Variants in PC observed in about 807,000 individuals in gnomAD.
The protein encoded by PC is pyruvate carboxylase, mitochondrial.
PC carries 46 observed loss-of-function variants against 107.8 expected under a neutral mutation model. The observed-to-expected ratio is 0.43, with a 90% confidence interval of 0.34 to 0.55. The LOEUF is 0.55. PC is among the 20% of genes least tolerant of loss of function. PC has a pLI of 0.04. For missense variants in PC, 1,241 were observed against 1,643.1 expected (o/e 0.76, Z 4.23); for synonymous variants, 662 against 684.7 (o/e 0.97, Z 0.52).
chr11:66,928,230 C>T (rs60520320), intron 3 of PC, among the ~76,000 whole-genome samples: 20,083 of 151,628 alleles, frequency 0.13, 1,486 homozygotes, highest in East Asian at 0.23. Flanking sequence ...CCTAAAAATA[C>T]AAAAAAATTA....
intron 3 of PC, among the ~76,000 whole-genome samples, chr11:66,894,044 G>A (rs111319576): frequency 0.039 from 5,846 of 151,704 alleles, 201 homozygotes; most frequent in African/African-American, 0.083. Flanking sequence ...CTTAACTATC[G>A]TAAAAACCTC....
At chr11:66,916,125 GT>G (rs1456123622) in intron 3 of PC, among the ~76,000 whole-genome samples, 4 of 152,358 alleles carry the variant, frequency 2.6e-5, no homozygotes, top group East Asian at 3.9e-4. Context: ...GGCCACGTCT[GT>G]TCCCCAGCTC....
chr11:66,946,369 G>A (rs1949291683), intron 3 of PC, among the ~76,000 whole-genome samples: 1 of 152,106 alleles, frequency 6.6e-6, no homozygotes, highest in African/African-American at 2.4e-5. Context: ...AGTGGCTCAT[G>A]CCTGTAATCC....
chr11:66,876,078 G>A (rs1425047886), intron 3 of PC, among the ~76,000 whole-genome samples: 3 of 152,224 alleles, frequency 2.0e-5, no homozygotes, highest in Non-Finnish European at 4.4e-5. Context: ...GGAGACCAAA[G>A]CAACAATGGT....
intron 3 of PC, among the ~76,000 whole-genome samples, chr11:66,945,441 G>T: frequency 9.6e-6 from 1 of 103,724 alleles, no homozygotes; most frequent in Non-Finnish European, 2.1e-5. Context: ...CGGAACTGCA[G>T]AGTTACATGA....
intron 3 of PC, among the ~76,000 whole-genome samples, chr11:66,901,986 G>A (rs1375026282): frequency 6.6e-6 from 1 of 152,218 alleles, no homozygotes; most frequent in Non-Finnish European, 1.5e-5. Flanking sequence ...CGTGGAGGAA[G>A]TCACTGTGGA....
chr11:66,890,020 A>T (rs1285088843), intron 3 of PC, among the ~76,000 whole-genome samples: 1 of 152,204 alleles, frequency 6.6e-6, no homozygotes, highest in African/African-American at 2.4e-5. Context: ...CAATCTGTAC[A>T]TGCCGAATGA....
intron 12 of PC, among the ~76,000 whole-genome samples, chr11:66,856,427 G>C (rs1016030435): frequency 6.6e-6 from 1 of 151,904 alleles, no homozygotes; most frequent in African/African-American, 2.4e-5. Flanking sequence ...GGGCGGCGGG[G>C]GCGGGGCGCC....
chr11:66,946,639 A>T (rs927432469), intron 3 of PC, among the ~76,000 whole-genome samples: 1 of 151,994 alleles, frequency 6.6e-6, no homozygotes, highest in African/African-American at 2.4e-5. Flanking sequence ...AATTTTTTTT[A>T]AATCAGCCAG....
intron 3 of PC, among the ~76,000 whole-genome samples, chr11:66,913,412 C>A (rs1329238357): frequency 1.3e-5 from 2 of 151,954 alleles, no homozygotes; most frequent in African/African-American, 2.4e-5. Flanking sequence ...AGGCTGGGCG[C>A]AGTGGCTCAC....
intron 3 of PC, among the ~76,000 whole-genome samples, chr11:66,951,488 G>A (rs1565308261): frequency 1.3e-5 from 2 of 152,150 alleles, no homozygotes; most frequent in African/African-American, 4.8e-5. Flanking sequence ...GGACGCGCTG[G>A]CTCACACCTG....
intron 3 of PC, among the ~76,000 whole-genome samples, chr11:66,947,335 G>A (rs1949323387): frequency 6.6e-6 from 1 of 151,932 alleles, no homozygotes; most frequent in African/African-American, 2.4e-5. Flanking sequence ...TGTAATTCCA[G>A]CACTTTGGGA....
chr11:66,883,960 G>A (rs1043409125), intron 3 of PC, among the ~76,000 whole-genome samples: 23 of 152,192 alleles, frequency 1.5e-4, no homozygotes, highest in Admixed American at 1.2e-3. Context: ...AATTAGCTGG[G>A]TGTGGCCTGG....
At chr11:66,883,061 G>A (rs147531241) in intron 3 of PC, among the ~76,000 whole-genome samples, 1,591 of 152,318 alleles carry the variant, frequency 0.01, 20 homozygotes, top group Non-Finnish European at 0.016. Flanking sequence ...TGGGCCCCCA[G>A]GAGCGCCGGC....
chr11:66,939,826 A>AC (rs1949084135), intron 3 of PC, among the ~76,000 whole-genome samples: 1 of 143,818 alleles, frequency 7.0e-6, no homozygotes, highest in Admixed American at 6.9e-5. Flanking sequence ...AAAAAAAAAA[A>AC]CCAAAAACAA....
chr11:66,910,443 C>T (rs2136069447), intron 3 of PC, among the ~76,000 whole-genome samples: 1 of 152,298 alleles, frequency 6.6e-6, no homozygotes, highest in South Asian at 2.1e-4. Flanking sequence ...CGTATGACTT[C>T]TATGGAGCAA....
intron 3 of PC, among the ~76,000 whole-genome samples, chr11:66,882,845 C>T (rs1404611507): frequency 6.6e-6 from 1 of 152,236 alleles, no homozygotes; most frequent in African/African-American, 2.4e-5. Context: ...GAAAGAACGA[C>T]TCCACCTGGC....
Position 66,858,151 on chromosome 11 carries a change from C to T in PC, c.1369-4768G>A, listed in dbSNP as rs1282631476. On this transcript the variant is annotated intron_variant, in intron 12 of 22. Transcript: ENST00000393960. The surrounding 1 kb of genome is among the most constrained non-coding windows in gnomAD (Gnocchi z 5.9). The stretch of plus-strand genomic sequence containing the variant: ...AGCGGCAACCAGCTGGGCCGCATCG[C>T]GCCGGGAGCCTTCGACGACTTCCTA... 2.5e-6 allele frequency: 4 copies of T among 1,610,798 alleles called. No homozygotes were observed. The highest frequency in any genetic ancestry group is 3.3e-5 in the Admixed American group (2 of 59,974).
rs1191038858 is a variant in PC at position 66,857,156 on chromosome 11, G to A, written c.1369-3773C>T. 5 of 148,462 alleles carry A rather than the reference G, an allele frequency of 3.4e-5. No individual in the cohort carries two copies. The highest frequency in any genetic ancestry group is 2.7e-4 in the Admixed American group (4 of 14,978). 9.2% of individuals were successfully genotyped at this position (148,462 alleles called of 1,614,324 possible). On this transcript the variant is annotated intron_variant, in intron 12 of 22. Transcript: ENST00000393960. The surrounding 1 kb of genome is among the most constrained non-coding windows in gnomAD (Gnocchi z 7.1). ...CCGAGCGAGCCGGGGCCGCGGGCCC[G>A]AGCGCCATGGGCCCGAGGGTGGGCG...
Sources: allele counts gnomAD v4.1 joint callset (sites outside exome capture counted in the v4.1 genomes callset), GRCh38; gene constraint gnomAD v4.1.1; non-coding constraint Gnocchi (gnomAD v3.1); transcripts MANE v1.5; gene names NCBI Gene and HGNC (gene_info 2026-07-23, HGNC 2026-07-21).